FGF18: variants seen among roughly 807,000 people sequenced by gnomAD.
The protein encoded by FGF18 is fibroblast growth factor 18.
A neutral mutation model predicts 23.0 loss-of-function variants in FGF18; 5 were observed. That is an observed-to-expected ratio of 0.22 (90% CI 0.11 to 0.46). The LOEUF (loss-of-function observed/expected upper bound fraction) is 0.46. Among genes scored for constraint, FGF18 ranks in the 20% least tolerant of loss-of-function variants. The pLI is 0.99. For missense variants in FGF18, 180 were observed against 291.6 expected (o/e 0.62, Z 2.79); for synonymous variants, 117 against 118.9 (o/e 0.98, Z 0.10).
At chr5:171,443,473 G>A (rs528381434) in intron 3 of FGF18, among the ~76,000 whole-genome samples, 1 of 127,438 alleles carries the variant, frequency 7.8e-6, no homozygotes, top group East Asian at 2.5e-4. Flanking sequence ...CATGGTATAT[G>A]CTCAGATAAG....
intron 2 of FGF18, among the ~76,000 whole-genome samples, chr5:171,424,269 G>C (rs1002664419): frequency 4.6e-5 from 7 of 152,224 alleles, no homozygotes; most frequent in Admixed American, 6.5e-5. Flanking sequence ...ACTGTGAAGT[G>C]GAGTGAGGCA....
chr5:171,436,137 G>A lies in FGF18; in HGVS notation c.114G>A (p.Glu38=). 1 of 1,586,224 alleles carries A rather than the reference G, an allele frequency of 6.3e-7. No individual in the cohort carries two copies. The highest frequency in any genetic ancestry group is 8.6e-7 in the Non-Finnish European group (1 of 1,162,298). ...EENVDFRIHV[E]NQTRARDDVS... The stretch of plus-strand genomic sequence containing the variant: ...ACGTGGACTTCCGCATCCACGTGGA[G>A]AACCAGACGCGGGCTCGGGACGATG... The change falls in exon 3 of 5, where the codon GAG becomes GAA. Residue 38 remains glutamate, a synonymous_variant. Transcript: ENST00000274625. This position sits in a 1 kb window ranked among gnomAD's most constrained non-coding sequence, Gnocchi z 4.4.
chr5:171,450,656 G>A (rs1342946818), intron 4 of FGF18, among the ~76,000 whole-genome samples: 3 of 152,228 alleles, frequency 2.0e-5, no homozygotes, highest in Non-Finnish European at 2.9e-5. Context: ...GGATGCCGAG[G>A]AGTGGTTTTA....
rs565977169 is a variant in FGF18, at chr5:171,440,871, C to T, written c.250+4598C>T. ...CCTTGTCCCAACAAGGGTCCTGCTG[C>T]GGTGGAACCATCTGTTGACGTGGCT... On this transcript the variant is annotated intron_variant, in intron 3 of 4. Transcript: ENST00000274625. The surrounding 1 kb of genome is among the most constrained non-coding windows in gnomAD (Gnocchi z 4.0). Among the ~76,000 whole-genome samples, 17 of 152,322 alleles carry T rather than the reference C, an allele frequency of 1.1e-4. No individual in the cohort carries two copies. Among genetic ancestry groups the T allele is most frequent in the East Asian group, 1.9e-4 (1 of 5,184 alleles).
At chr5:171,452,495 G>A (rs893938898) in intron 4 of FGF18, among the ~76,000 whole-genome samples, 11 of 152,204 alleles carry the variant, frequency 7.2e-5, no homozygotes, top group Non-Finnish European at 1.6e-4. Flanking sequence ...AGATGCCAAA[G>A]CTGTGTCCCC....
At chr5:171,449,485 C>G (rs1772467111) in intron 4 of FGF18, among the ~76,000 whole-genome samples, 1 of 151,908 alleles carries the variant, frequency 6.6e-6, no homozygotes, top group Non-Finnish European at 1.5e-5. Context: ...CCCCACTTCT[C>G]TTCCCCGGGC....
intron 2 of FGF18, among the ~76,000 whole-genome samples, chr5:171,431,683 C>T (rs751803852): frequency 6.6e-6 from 1 of 152,148 alleles, no homozygotes; most frequent in Non-Finnish European, 1.5e-5. Flanking sequence ...ATGTGCATGG[C>T]GTGGCAGGAA....
At chr5:171,449,388 TGTGTGTGTGTGTGAGA>T (rs1772462029) in intron 4 of FGF18, 135 bp downstream of exon 4, 4 of 513,074 alleles carry the variant, frequency 7.8e-6, no homozygotes, top group East Asian at 7.2e-5. Flanking sequence ...TGTGTGTGTG[TGTGTGTGTGTGTGAGA>T]GAGAGAGAGA....
chr5:171,449,817 G>A (rs1772472275), intron 4 of FGF18, among the ~76,000 whole-genome samples: 1 of 151,602 alleles, frequency 6.6e-6, no homozygotes, highest in Non-Finnish European at 1.5e-5. Context: ...ACAAATTAGG[G>A]TGGGGGCAGG....
In FGF18 at chr5:171,436,049, C is replaced by A; in HGVS notation, c.70-44C>A. On this transcript the variant is annotated intron_variant, in intron 2 of 4. Coordinates refer to ENST00000274625, the MANE Select transcript of FGF18 (RefSeq NM_003862.3). The surrounding 1 kb of genome is among the most constrained non-coding windows in gnomAD (Gnocchi z 4.4). ...TGGCTGGCTCCTGCATGCAGTGGGC[C>A]TGGGACATCTGGGGTGGCTTACTGT... 1 of 1,441,768 alleles carries A rather than the reference C, an allele frequency of 6.9e-7. No homozygotes were observed. Among genetic ancestry groups the A allele is most frequent in the Non-Finnish European group, 9.2e-7 (1 of 1,087,742 alleles). The allele number at this position is 1,441,768 out of a possible 1,614,324, so 89.3% of individuals were successfully genotyped here. A position where few individuals can be genotyped will look rare whatever the true frequency, so the allele number is the denominator to read the frequency against.
rs747260194 is a variant in FGF18, at chr5:171,456,653, C to T, written c.472C>T (p.Arg158Trp). 3.7e-6 allele frequency: 6 copies of T among 1,613,908 alleles called. No homozygotes were observed. Among genetic ancestry groups the T allele is most frequent in the South Asian group, 1.1e-5 (1 of 91,074 alleles). The stretch of plus-strand genomic sequence containing the variant: ...GTACGTGGGCTTCACCAAGAAGGGG[C>T]GGCCGCGGAAGGGCCCCAAGACCCG... The part of the protein sequence containing the change: ...GWYVGFTKKG[R>W]PRKGPKTREN... The change falls in exon 5 of 5, where the codon CGG (arginine) becomes TGG (tryptophan). Residue 158 changes from arginine to tryptophan, a missense_variant. Coordinates refer to ENST00000274625, the MANE Select transcript of FGF18 (RefSeq NM_003862.3). This position sits in a 1 kb window ranked among gnomAD's most constrained non-coding sequence, Gnocchi z 6.1.
At chr5:171,429,757 G>A (rs930661270) in intron 2 of FGF18, among the ~76,000 whole-genome samples, 1 of 152,340 alleles carries the variant, frequency 6.6e-6, no homozygotes, top group South Asian at 2.1e-4. Context: ...AGGCCTGGGC[G>A]GGAGAGGCCG....
At chr5:171,448,301 C>T (rs767862591) in intron 3 of FGF18, among the ~76,000 whole-genome samples, 40 of 152,294 alleles carry the variant, frequency 2.6e-4, no homozygotes, top group African/African-American at 9.6e-4. Flanking sequence ...GTTAGTTACC[C>T]TTCAGCTTTG....
chr5:171,450,748 G>C (rs1772489241), intron 4 of FGF18, among the ~76,000 whole-genome samples: 1 of 152,046 alleles, frequency 6.6e-6, no homozygotes, highest in African/African-American at 2.4e-5. Context: ...ACGGACTGGG[G>C]CGCGGGCGCC....
rs945842794 is a variant in FGF18 at position 171,436,601 on chromosome 5, C to T, written c.250+328C>T. Among the ~76,000 whole-genome samples, 3 of 152,174 alleles carry T rather than the reference C, an allele frequency of 2.0e-5. No homozygotes were observed. The highest frequency in any genetic ancestry group is 7.2e-5 in the African/African-American group (3 of 41,436). On this transcript the variant is annotated intron_variant, in intron 3 of 4. Coordinates refer to ENST00000274625, the MANE Select transcript of FGF18 (RefSeq NM_003862.3). This position sits in a 1 kb window ranked among gnomAD's most constrained non-coding sequence, Gnocchi z 4.4. ...TGTTCCCATGCCACCACTCACCAGC[C>T]CCAGGTTCAGCCACTTCAAGGGGCA...
At position 171,440,899 on chromosome 5, in the gene FGF18, T is replaced by C. The variant is rs995991157; in HGVS notation, c.250+4626T>C. 3.9e-5 allele frequency among the ~76,000 whole-genome samples: 6 copies of C among 152,216 alleles called. No homozygotes were observed. Among genetic ancestry groups the C allele is most frequent in the African/African-American group, 1.4e-4 (6 of 41,452 alleles). On this transcript the variant is annotated intron_variant, in intron 3 of 4. Transcript: ENST00000274625. The surrounding 1 kb of genome is among the most constrained non-coding windows in gnomAD (Gnocchi z 4.0). ...TGGAACCATCTGTTGACGTGGCTGG[T>C]GCCCCTGCGAGAGTGTGAGCTCCTT... is the stretch of plus-strand genomic sequence containing the variant.
At chr5:171,445,131 T>C (rs1285629870) in intron 3 of FGF18, among the ~76,000 whole-genome samples, 3 of 152,012 alleles carry the variant, frequency 2.0e-5, no homozygotes, top group Non-Finnish European at 4.4e-5. Flanking sequence ...CTGGAAGCTC[T>C]GGGCAAAGCA....
At position 171,449,175 on chromosome 5, in the gene FGF18, C is replaced by T. The variant is rs375630229; in HGVS notation, c.279C>T (p.Phe93=). The stretch of plus-strand genomic sequence containing the variant: ...AGCTCCTAGTGGAGACAGACACCTT[C>T]GGTAGTCAAGTCCGGATCAAGGGCA... ...YAQLLVETDT[F]GSQVRIKGKE... Residue 93 remains phenylalanine (F), a synonymous_variant, in exon 4 of 5, where the codon TTC becomes TTT. Coordinates refer to ENST00000274625, the MANE Select transcript of FGF18 (RefSeq NM_003862.3). The T allele has an allele frequency of 8.7e-6, 14 of 1,613,832 alleles. No homozygotes were observed. The highest frequency in any genetic ancestry group is 1.0e-5 in the Non-Finnish European group (12 of 1,179,940).
chr5:171,446,949 C>T (rs933603981), intron 3 of FGF18, among the ~76,000 whole-genome samples: 1 of 151,904 alleles, frequency 6.6e-6, no homozygotes, highest in Non-Finnish European at 1.5e-5. Flanking sequence ...CTTTGCTGCT[C>T]CTCCACCCTT....
Sources: gnomAD v4.1 joint callset for allele counts (sites outside exome capture counted in the v4.1 genomes callset) on GRCh38, gnomAD v4.1.1 for gene constraint, Gnocchi (gnomAD v3.1) non-coding constraint, MANE v1.5 for transcripts, NCBI Gene and HGNC (gene_info 2026-07-23, HGNC 2026-07-21) for gene names.